TTLL11: variants seen among roughly 807,000 people sequenced by gnomAD.
The protein encoded by TTLL11 is tubulin polyglutamylase TTLL11.
TTLL11 carries 42 observed loss-of-function variants against 51.7 expected under a neutral mutation model. The observed-to-expected ratio is 0.81, with a 90% CI of 0.64 to 1.05. TTLL11 has a LOEUF of 1.05. Ranked by LOEUF, TTLL11 falls within the 50% of genes least tolerant of loss-of-function variation. The probability of loss-of-function intolerance (pLI) is 0.00; values close to 1 mark genes in which losing one functional copy is unlikely to be tolerated. For missense variants in TTLL11, 799 were observed against 940.4 expected (o/e 0.85, Z 1.97); for synonymous variants, 381 against 383.5 (o/e 0.99, Z 0.08).
chr9:121,986,557 AG>A (rs1232791540), intron 4 of TTLL11, among the ~76,000 whole-genome samples: 10 of 152,154 alleles, frequency 6.6e-5, no homozygotes, highest in Admixed American at 2.6e-4. Context: ...CTGATGGCTG[AG>A]CTGTGCATCC....
intron 3 of TTLL11, among the ~76,000 whole-genome samples, chr9:122,017,526 G>A (rs957000626): frequency 4.0e-5 from 6 of 148,716 alleles, no homozygotes; most frequent in Admixed American, 2.0e-4. Context: ...GCAGAGGTGC[G>A]ATCTTGGCTC....
At chr9:121,824,798 C>T (rs1229454079) in intron 8 of TTLL11, among the ~76,000 whole-genome samples, 2 of 152,168 alleles carry the variant, frequency 1.3e-5, no homozygotes, top group Non-Finnish European at 2.9e-5. Flanking sequence ...TCCACACCTT[C>T]CTGGTGACTG....
At chr9:122,079,606 G>A (rs1385281309) in intron 1 of TTLL11, among the ~76,000 whole-genome samples, 2 of 152,026 alleles carry the variant, frequency 1.3e-5, no homozygotes, top group African/African-American at 4.8e-5. Context: ...CTACTCGGGA[G>A]GCTGAGGCAG....
chr9:121,988,187 C>T (rs1157374817), intron 4 of TTLL11, among the ~76,000 whole-genome samples: 1 of 152,132 alleles, frequency 6.6e-6, no homozygotes, highest in Non-Finnish European at 1.5e-5. Flanking sequence ...TTCACCACAA[C>T]CTTCCCAGTC....
At chr9:121,980,301 A>ACC in intron 4 of TTLL11, among the ~76,000 whole-genome samples, 1 of 152,176 alleles carries the variant, frequency 6.6e-6, no homozygotes, top group African/African-American at 2.4e-5. Context: ...CTTGAGTGAA[A>ACC]CACCTTACCA....
chr9:121,914,572 C>T (rs1588121098), intron 6 of TTLL11, among the ~76,000 whole-genome samples: 1 of 152,224 alleles, frequency 6.6e-6, no homozygotes, highest in Non-Finnish European at 1.5e-5. Flanking sequence ...CAGTGCTGCC[C>T]TGCTCTCACC....
chr9:122,020,382 T>C (rs532046068), intron 3 of TTLL11, among the ~76,000 whole-genome samples: 10 of 152,340 alleles, frequency 6.6e-5, no homozygotes, highest in African/African-American at 2.4e-4. Context: ...TTACTCCTTT[T>C]CTCTGGAACA....
intron 1 of TTLL11, among the ~76,000 whole-genome samples, chr9:122,072,748 A>G (rs1383914192): frequency 1.3e-5 from 2 of 152,018 alleles, no homozygotes; most frequent in Non-Finnish European, 2.9e-5. Flanking sequence ...CTCACCCCTC[A>G]TCCTCCAGAT....
chr9:121,913,673 A>C (rs1840222768), intron 6 of TTLL11, among the ~76,000 whole-genome samples: 1 of 152,216 alleles, frequency 6.6e-6, no homozygotes, highest in Non-Finnish European at 1.5e-5. Flanking sequence ...GATGGATGTA[A>C]TAAAACCAGG....
chr9:121,882,496 T>C (rs1025358279), intron 6 of TTLL11, among the ~76,000 whole-genome samples: 11 of 152,174 alleles, frequency 7.2e-5, no homozygotes, highest in African/African-American at 2.4e-4. Context: ...ACCACTGTCT[T>C]CCTGAACCTC....
chr9:122,036,806 A>C (rs1285460078), intron 2 of TTLL11, among the ~76,000 whole-genome samples: 1 of 152,182 alleles, frequency 6.6e-6, no homozygotes, highest in Non-Finnish European at 1.5e-5. Context: ...CAGAGGCCAG[A>C]CTGTTCTGGA....
intron 6 of TTLL11, among the ~76,000 whole-genome samples, chr9:121,957,288 G>C (rs1842051458): frequency 6.6e-6 from 1 of 152,174 alleles, no homozygotes; most frequent in African/African-American, 2.4e-5. Flanking sequence ...CACCATGGGA[G>C]GAAGAACCCT....
intron 1 of TTLL11, among the ~76,000 whole-genome samples, chr9:122,050,065 C>T (rs1174949763): frequency 3.3e-5 from 5 of 152,018 alleles, no homozygotes; most frequent in South Asian, 4.2e-4. Flanking sequence ...CAGCTCAAGC[C>T]GCAACCCACC....
At chr9:121,876,892 C>T (rs1167226426) in intron 6 of TTLL11, among the ~76,000 whole-genome samples, 1 of 152,194 alleles carries the variant, frequency 6.6e-6, no homozygotes, top group African/African-American at 2.4e-5. Context: ...GCGGGTGATT[C>T]TGATACGGGC....
intron 1 of TTLL11, among the ~76,000 whole-genome samples, chr9:122,072,847 C>T (rs914697958): frequency 5.9e-5 from 9 of 152,060 alleles, no homozygotes; most frequent in Admixed American, 2.6e-4. Context: ...TGTAACATCG[C>T]GCTTCCTACA....
At chr9:121,961,621 T>G (rs1271097446) in intron 6 of TTLL11, among the ~76,000 whole-genome samples, 2 of 152,216 alleles carry the variant, frequency 1.3e-5, no homozygotes, top group Admixed American at 1.3e-4. Context: ...CCATTCTCAT[T>G]GCACACAGAG....
At chr9:121,840,341 C>T (rs551283179) in intron 8 of TTLL11, among the ~76,000 whole-genome samples, 2 of 152,248 alleles carry the variant, frequency 1.3e-5, no homozygotes, top group African/African-American at 2.4e-5. Context: ...CAGCTGGCTA[C>T]CGATGGATGC....
At chr9:121,963,243 G>A (rs76191506) in intron 6 of TTLL11, among the ~76,000 whole-genome samples, 3,727 of 152,266 alleles carry the variant, frequency 0.024, 141 homozygotes, top group African/African-American at 0.081. Context: ...CTGTGAACCA[G>A]GCAGAGCAGA....
chr9:121,843,707 C>T (rs1315473561), intron 8 of TTLL11, among the ~76,000 whole-genome samples: 1 of 152,146 alleles, frequency 6.6e-6, no homozygotes, highest in Non-Finnish European at 1.5e-5. Context: ...GGGTCTTGCC[C>T]TGTCACCCAG....
Sources: allele counts gnomAD v4.1 joint callset (sites outside exome capture counted in the v4.1 genomes callset), GRCh38; gene constraint gnomAD v4.1.1; transcripts MANE v1.5; gene names NCBI Gene and HGNC (gene_info 2026-07-23, HGNC 2026-07-21).